The following FRG1 variants were observed in gnomAD, a reference collection of about 807,000 sequenced individuals.
The protein encoded by FRG1 is FSHD region gene 1, also known as protein FRG1.
Under a neutral mutation model 37.0 loss-of-function variants are expected in FRG1, and 19 were observed. The ratio of observed to expected loss-of-function variants is 0.51; its 90% CI spans 0.36 to 0.75. The LOEUF is 0.75. Among genes scored for constraint, FRG1 ranks in the 30% least tolerant of loss-of-function variants. The probability of loss-of-function intolerance (pLI) is 0.00; values close to 1 mark genes in which losing one functional copy is unlikely to be tolerated. For synonymous variants in FRG1, 73 were observed against 96.5 expected, an observed-to-expected ratio of 0.76 and a Z score of 1.43; for missense variants, 243 against 301.4, an observed-to-expected ratio of 0.81 and a Z score of 1.44.
intron 6 of FRG1, among the ~76,000 whole-genome samples, chr4:189,958,356 T>G (rs2126820752): frequency 6.6e-6 from 1 of 152,300 alleles, no homozygotes; most frequent in Non-Finnish European, 1.5e-5. Flanking sequence ...GCGTTTGTAT[T>G]TACGTAATGC....
rs879246627 is a variant in FRG1, at chr4:189,960,992, C to T, written c.629+153C>T. The T allele has an allele frequency of 3.7e-5, 30 of 800,788 alleles. No individual in the cohort carries two copies. In the South Asian group the frequency reaches 5.4e-4, roughly 14 times the overall value. 49.6% of individuals were successfully genotyped at this position (800,788 alleles called of 1,614,324 possible). A position where few individuals can be genotyped will look rare whatever the true frequency, so the allele number is the denominator to read the frequency against. ...CTGAGACAGGAGGATTGTTTGAGCC[C>T]AGGAGTTCAAGGCTGCAGTGAGCTC... is the stretch of plus-strand genomic sequence containing the variant. On this transcript the variant is annotated intron_variant, in intron 7 of 8. Transcript: ENST00000226798.
intron 2 of FRG1, among the ~76,000 whole-genome samples, chr4:189,950,624 A>C (rs1334597981): frequency 1.3e-5 from 2 of 152,220 alleles, no homozygotes; most frequent in Non-Finnish European, 1.5e-5. Context: ...TGAAATGTTT[A>C]GTTGAATAGA....
chr4:189,941,029 T>TGA lies in FRG1; in HGVS notation c.21_22dup (p.Lys8ArgfsTer44). On this transcript the variant is annotated frameshift_variant, in exon 1 of 9. Transcript: ENST00000226798. LOFTEE classifies it high-confidence loss of function. ...GGAGCCATGGCCGAGTACTCCTACG[T>TGA]GAAGTCTACCAAGCTCGTGCTCAAG... is the stretch of plus-strand genomic sequence containing the variant. The TGA allele has an allele frequency of 1.9e-6, 3 of 1,614,104 alleles. No individual in the cohort carries two copies. Among genetic ancestry groups the TGA allele is most frequent in the Non-Finnish European group, 2.5e-6 (3 of 1,179,952 alleles).
At chr4:189,958,544 G>A (rs62345299) in intron 6 of FRG1, among the ~76,000 whole-genome samples, 2,462 of 80,312 alleles carry the variant, frequency 0.031, no homozygotes, top group South Asian at 0.048. Context: ...ATTTGTGTGC[G>A]TCACTAAGCT....
At chr4:189,949,089 A>G (rs969308271) in intron 2 of FRG1, among the ~76,000 whole-genome samples, 3 of 152,236 alleles carry the variant, frequency 2.0e-5, no homozygotes, top group African/African-American at 7.2e-5. Flanking sequence ...AAAAGGAAAT[A>G]ACTTTAAGCA....
chr4:189,952,681 G>A (rs80238099), intron 3 of FRG1, among the ~76,000 whole-genome samples: 23 of 150,530 alleles, frequency 1.5e-4, no homozygotes, highest in Middle Eastern at 3.5e-3. Flanking sequence ...ATTAGAGGAA[G>A]CACTAATGAG....
intron 1 of FRG1, 28 bp downstream of exon 1, chr4:189,941,099 T>C (rs762834484): frequency 1.2e-6 from 2 of 1,603,772 alleles, no homozygotes; most frequent in Non-Finnish European, 1.7e-6. Flanking sequence ...GGCGGGAGCC[T>C]CCTCCGTTCT....
intron 3 of FRG1, among the ~76,000 whole-genome samples, chr4:189,952,491 A>G (rs199599193): frequency 6.6e-6 from 1 of 152,252 alleles, no homozygotes; most frequent in African/African-American, 2.4e-5. Context: ...AACATTCCGT[A>G]TAGTTCCAGA....
chr4:189,941,297 G>A (rs2126793518), intron 1 of FRG1, among the ~76,000 whole-genome samples: 1 of 152,310 alleles, frequency 6.6e-6, no homozygotes, highest in African/African-American at 2.4e-5. Flanking sequence ...AGACGGGCAG[G>A]TGACCCGTGA....
At chr4:189,942,120 T>A (rs1736336383) in intron 1 of FRG1, 1 of 166,234 alleles carries the variant, frequency 6.0e-6, no homozygotes, top group African/African-American at 2.4e-5. Flanking sequence ...AAGATCATCG[T>A]AATAATCATA....
chr4:189,942,717 A>G (rs989153961), intron 1 of FRG1, among the ~76,000 whole-genome samples: 1 of 152,130 alleles, frequency 6.6e-6, no homozygotes, highest in South Asian at 2.1e-4. Flanking sequence ...TTGGGTATAC[A>G]TACTTAGGAG....
chr4:189,945,803 A>G (rs75752549), intron 2 of FRG1, among the ~76,000 whole-genome samples: 5 of 151,998 alleles, frequency 3.3e-5, no homozygotes, highest in African/African-American at 4.8e-5. Flanking sequence ...CTCCTTTCCT[A>G]TTTTTGGAAA....
At chr4:189,945,018 G>T (rs1736467741) in intron 2 of FRG1, among the ~76,000 whole-genome samples, 1 of 151,998 alleles carries the variant, frequency 6.6e-6, no homozygotes, top group Non-Finnish European at 1.5e-5. Context: ...TTATTCTTAA[G>T]TATTTTATAA....
chr4:189,942,063 G>T (rs1003329321), intron 1 of FRG1: 5 of 193,192 alleles, frequency 2.6e-5, no homozygotes, highest in African/African-American at 1.2e-4. Context: ...GGAGAGGAGA[G>T]TTATCTTCTG....
At chr4:189,945,436 G>A (rs998115380) in intron 2 of FRG1, among the ~76,000 whole-genome samples, 3 of 152,240 alleles carry the variant, frequency 2.0e-5, no homozygotes. Flanking sequence ...TTAAAACTTT[G>A]TTTCTTGGGA....
chr4:189,956,975 A>G (rs1361692918), intron 5 of FRG1, among the ~76,000 whole-genome samples: 1 of 152,232 alleles, frequency 6.6e-6, no homozygotes, highest in African/African-American at 2.4e-5. Context: ...AAAGCATTGT[A>G]TGTACCTTTT....
At chr4:189,944,479 T>C (rs1736445909) in intron 2 of FRG1, among the ~76,000 whole-genome samples, 1 of 152,204 alleles carries the variant, frequency 6.6e-6, no homozygotes, top group Non-Finnish European at 1.5e-5. Flanking sequence ...TAAGAGATCT[T>C]TGCTTACCCC....
intron 7 of FRG1, 55 bp downstream of exon 7, chr4:189,960,894 A>C: frequency 3.2e-6 from 5 of 1,575,218 alleles, no homozygotes; most frequent in Non-Finnish European, 4.3e-6. Flanking sequence ...TGCTTCTCAA[A>C]GTGCTTTCAA....
At chr4:189,957,277 T>C in intron 5 of FRG1, 121 bp from the exon 6 acceptor site, 1 of 1,425,562 alleles carries the variant, frequency 7.0e-7, no homozygotes, top group East Asian at 2.5e-5. Context: ...TTTTCAGGTT[T>C]TTCTCTAAGT....
Sources: allele counts gnomAD v4.1 joint callset (sites outside exome capture counted in the v4.1 genomes callset), GRCh38; gene constraint gnomAD v4.1.1; transcripts MANE v1.5; gene names NCBI Gene and HGNC (gene_info 2026-07-23, HGNC 2026-07-21).